Variants in IFT88 observed in about 807,000 individuals in gnomAD.
IFT88 encodes intraflagellar transport 88.
IFT88 carries 74 observed loss-of-function variants against 119.5 expected under a neutral mutation model. The ratio of observed to expected loss-of-function variants is 0.62; its 90% CI spans 0.51 to 0.75. IFT88 has a LOEUF of 0.75. Among genes scored for constraint, IFT88 ranks in the 30% least tolerant of loss-of-function variants. The probability of loss-of-function intolerance (pLI) is 0.00; values close to 1 mark genes in which losing one functional copy is unlikely to be tolerated. For synonymous variants in IFT88, 279 were observed against 316.7 expected (o/e 0.88, Z 1.26); for missense variants, 961 against 977.7 (o/e 0.98, Z 0.23).
intron 11 of IFT88, 113 bp from the exon 12 acceptor site, chr13:20,601,587 TAACAA>T: frequency 1.6e-6 from 1 of 619,048 alleles, no homozygotes; most frequent in Non-Finnish European, 2.8e-6. Flanking sequence ...AATAAAGCTT[TAACAA>T]AACAAAAACG....
At chr13:20,582,253 C>T (rs1192495991) in intron 2 of IFT88, among the ~76,000 whole-genome samples, 1 of 152,088 alleles carries the variant, frequency 6.6e-6, no homozygotes, top group African/African-American at 2.4e-5. Flanking sequence ...ACACAGGAAC[C>T]CTTATATCCT....
intron 24 of IFT88, among the ~76,000 whole-genome samples, chr13:20,681,310 A>T (rs891930621): frequency 6.6e-6 from 1 of 152,204 alleles, no homozygotes; most frequent in Non-Finnish European, 1.5e-5. Context: ...AGAAAAATGT[A>T]TCTACACATA....
chr13:20,603,342 G>C (rs1228351452), intron 12 of IFT88, among the ~76,000 whole-genome samples: 2 of 147,816 alleles, frequency 1.4e-5, no homozygotes, highest in African/African-American at 5.0e-5. Flanking sequence ...AGCCGAGATC[G>C]CACTATTCAC....
chr13:20,569,008 C>T lies in IFT88; in HGVS notation c.-7+1752C>T, dbSNP rs559032553. Among the ~76,000 whole-genome samples, 11 of 152,194 alleles carry T rather than the reference C, an allele frequency of 7.2e-5. No individual in the cohort carries two copies. In the South Asian group the frequency reaches 2.3e-3, roughly 32 times the overall value. ...GTGTTGGGATTACAAGCGTGAGCCA[C>T]GACGCCTGGCCCTTTTAATAACCTT... On this transcript the variant is annotated intron_variant, in intron 1 of 25. Coordinates refer to ENST00000351808, the MANE Select transcript of IFT88 (RefSeq NM_006531.5).
intron 13 of IFT88, among the ~76,000 whole-genome samples, chr13:20,611,406 T>C (rs887931807): frequency 6.1e-5 from 9 of 147,764 alleles, no homozygotes; most frequent in African/African-American, 2.2e-4. Context: ...ATATGCACTG[T>C]AGTCCCAGTT....
At chr13:20,595,267 C>A (rs755112478) in intron 7 of IFT88, among the ~76,000 whole-genome samples, 3 of 152,002 alleles carry the variant, frequency 2.0e-5, no homozygotes, top group Non-Finnish European at 4.4e-5. Flanking sequence ...TAGCAAGAAC[C>A]TGTCGTTTAT....
At chr13:20,578,768 T>A (rs1258241538) in intron 2 of IFT88, among the ~76,000 whole-genome samples, 1 of 152,116 alleles carries the variant, frequency 6.6e-6, no homozygotes, top group Non-Finnish European at 1.5e-5. Context: ...CGGCTGGTCT[T>A]GAACTGCTGA....
At chr13:20,657,930 T>C (rs2053128735) in intron 22 of IFT88, among the ~76,000 whole-genome samples, 1 of 152,188 alleles carries the variant, frequency 6.6e-6, no homozygotes, top group Non-Finnish European at 1.5e-5. Context: ...ATTTCTCCAT[T>C]TGGCTTTCTA....
intron 16 of IFT88, among the ~76,000 whole-genome samples, chr13:20,635,903 T>TA (rs1030046616): frequency 4.2e-4 from 61 of 146,422 alleles, no homozygotes; most frequent in East Asian, 1.2e-3. Context: ...AAGTAAAAAA[T>TA]AAAAAAAAAA....
chr13:20,571,252 C>T (rs1253917493), intron 1 of IFT88, among the ~76,000 whole-genome samples: 3 of 152,170 alleles, frequency 2.0e-5, no homozygotes, highest in Non-Finnish European at 4.4e-5. Flanking sequence ...CCTCGGCCTC[C>T]CAAAGTGCTG....
chr13:20,630,669 G>A (rs1247777447), intron 15 of IFT88, among the ~76,000 whole-genome samples: 1 of 152,150 alleles, frequency 6.6e-6, no homozygotes, highest in Non-Finnish European at 1.5e-5. Context: ...AAAGTGCTGA[G>A]ATTATAGGCA....
intron 12 of IFT88, 23 bp from the exon 13 acceptor site, chr13:20,605,012 T>C: frequency 8.5e-7 from 1 of 1,179,122 alleles, no homozygotes; most frequent in Non-Finnish European, 1.2e-6. Flanking sequence ...TTATTCTTTT[T>C]TTCTTCCATT....
rs375910860 is a variant in IFT88 at position 20,594,118 on chromosome 13, A to G, written c.398+1714A>G. On this transcript the variant is annotated intron_variant, in intron 7 of 25. Coordinates refer to ENST00000351808, the MANE Select transcript of IFT88 (RefSeq NM_006531.5). ...ACAAGAAAATTTATTATCTCACATA[A>G]TAGGAAGTCTGGAGGAAGGGAAGTT... 5.3e-4 allele frequency among the ~76,000 whole-genome samples: 81 copies of G among 152,212 alleles called. 1 individual carries two copies. The South Asian group carries it at 0.016, about 29-fold the overall frequency.
chr13:20,646,851 GT>G (rs574029572), intron 20 of IFT88, among the ~76,000 whole-genome samples: 101 of 140,750 alleles, frequency 7.2e-4, no homozygotes, highest in East Asian at 4.9e-3. Context: ...TAACATTCCT[GT>G]TTTTTTTTTT....
chr13:20,569,348 C>T (rs796813974), intron 1 of IFT88, among the ~76,000 whole-genome samples: 1 of 151,576 alleles, frequency 6.6e-6, no homozygotes, highest in Non-Finnish European at 1.5e-5. Flanking sequence ...CCGAGCCGGG[C>T]GGATCACGAG....
chr13:20,683,742 A>G (rs9579922), intron 24 of IFT88, among the ~76,000 whole-genome samples: 40,434 of 152,044 alleles, frequency 0.27, 6,569 homozygotes, highest in East Asian at 0.7. Context: ...GATTCACCCA[A>G]TAAGCTGCTT....
rs180954731 is a variant in IFT88 at position 20,605,610 on chromosome 13, A to G, written c.1112+505A>G. 1.1e-4 allele frequency among the ~76,000 whole-genome samples: 16 copies of G among 152,268 alleles called. No homozygotes were observed. In the East Asian group the frequency reaches 2.3e-3, roughly 22 times the overall value. Reference sequence around the variant, plus strand: ...CAAATGTGTGGTTTTTCTCACACCAACAACCAATTATCCATCTCCCTGGAC... The same window carrying G: ...CAAATGTGTGGTTTTTCTCACACCAGCAACCAATTATCCATCTCCCTGGAC... On this transcript the variant is annotated intron_variant, in intron 13 of 25. Transcript: ENST00000351808.
intron 3 of IFT88, among the ~76,000 whole-genome samples, chr13:20,584,635 A>G (rs948168881): frequency 1.5e-4 from 23 of 152,316 alleles, no homozygotes; most frequent in African/African-American, 5.1e-4. Flanking sequence ...GTGTCATACA[A>G]AGCATAGACA....
At chr13:20,649,092 G>A (rs1300366698) in intron 20 of IFT88, among the ~76,000 whole-genome samples, 1 of 152,130 alleles carries the variant, frequency 6.6e-6, no homozygotes, top group African/African-American at 2.4e-5. Context: ...TTAAAAATGT[G>A]TGTTACCGTC....
Sources: gnomAD v4.1 joint callset for allele counts (sites outside exome capture counted in the v4.1 genomes callset) on GRCh38, gnomAD v4.1.1 for gene constraint, MANE v1.5 for transcripts, NCBI Gene and HGNC (gene_info 2026-07-23, HGNC 2026-07-21) for gene names.